CAPRIN2: variants seen among roughly 807,000 people sequenced by gnomAD.
The protein encoded by CAPRIN2 is caprin-2.
A neutral mutation model predicts 130.4 loss-of-function variants in CAPRIN2; 66 were observed. That is an observed-to-expected ratio of 0.51 (90% confidence interval 0.42 to 0.62). The LOEUF (loss-of-function observed/expected upper bound fraction) is 0.62, where lower values mean the gene tolerates loss of function less well. Among genes scored for constraint, CAPRIN2 ranks in the 20% least tolerant of loss-of-function variants. CAPRIN2 has a pLI of 0.00. For synonymous variants in CAPRIN2, 471 were observed against 444.1 expected (o/e 1.06, Z -0.76); for missense variants, 1,185 against 1,246.6 (o/e 0.95, Z 0.74).
Position 30,710,178 on chromosome 12 carries a change from T to A in CAPRIN2, c.2958A>T (p.Arg986Ser). Residue 986 changes from arginine (R) to serine (S), a missense_variant, in exon 17 of 17, where the codon AGA becomes AGT. Physicochemically the swap from Arg to Ser is moderately radical, Grantham distance 110 (BLOSUM62 -1). Transcript: ENST00000298892. The surrounding 1 kb of genome is among the most constrained non-coding windows in gnomAD (Gnocchi z 4.8). Reference sequence around the variant, plus strand: ...AAGTGCCATTCACTGGGCAATTAAATCTACCAAGCTGAAGATCAAAAGTTT... The same window carrying A: ...AAGTGCCATTCACTGGGCAATTAAAACTACCAAGCTGAAGATCAAAAGTTT... 6.2e-7 allele frequency: 1 copy of A among 1,614,144 alleles called. No individual in the cohort carries two copies.
At chr12:30,736,502 A>C (rs930931940) in intron 3 of CAPRIN2, among the ~76,000 whole-genome samples, 1 of 152,202 alleles carries the variant, frequency 6.6e-6, no homozygotes, top group Non-Finnish European at 1.5e-5. Flanking sequence ...AAATCCTAAC[A>C]GATTAAAATT....
chr12:30,725,717 AG>A (rs1359898523), intron 9 of CAPRIN2, among the ~76,000 whole-genome samples: 1 of 152,170 alleles, frequency 6.6e-6, no homozygotes, highest in Non-Finnish European at 1.5e-5. Flanking sequence ...GAGCAAGTTA[AG>A]CTTTTCACAT....
At chr12:30,753,066 C>G (rs186770877) in intron 1 of CAPRIN2, among the ~76,000 whole-genome samples, 1 of 152,330 alleles carries the variant, frequency 6.6e-6, no homozygotes, top group East Asian at 1.9e-4. Context: ...AACATTAATA[C>G]TACATAAGGA....
At chr12:30,729,463 A>G in intron 7 of CAPRIN2, 138 bp from the exon 9 acceptor site, 1 of 575,824 alleles carries the variant, frequency 1.7e-6, no homozygotes, top group Non-Finnish European at 2.8e-6. Flanking sequence ...ATTCTACTTG[A>G]AAAGACTTTC....
At position 30,711,746 on chromosome 12, in the gene CAPRIN2, T is replaced by C. The variant is rs756299951; in HGVS notation, c.2602-117A>G. 3.7e-6 allele frequency: 3 copies of C among 811,398 alleles called. No homozygotes were observed. The Admixed American group carries it at 5.8e-5, about 16-fold the overall frequency. The allele number at this position is 811,398 out of a possible 1,614,324, so 50.3% of individuals were successfully genotyped here. On this transcript the variant is annotated intron_variant, in intron 15 of 16. Coordinates refer to ENST00000298892, the Ensembl canonical transcript of CAPRIN2. The stretch of plus-strand genomic sequence containing the variant: ...GTCCCCTTAGTTCTTTACCTGGCCT[T>C]CCCCAGCAACCAAAGAGGCTCAGAT...
intron 3 of CAPRIN2, among the ~76,000 whole-genome samples, chr12:30,737,056 G>A (rs2065158226): frequency 6.6e-6 from 1 of 152,236 alleles, no homozygotes; most frequent in African/African-American, 2.4e-5. Context: ...CCAGGCTGGG[G>A]TGCAGTGGCA....
exon 1 of CAPRIN2, chr12:30,753,652 A>T: frequency 6.2e-7 from 1 of 1,614,228 alleles, no homozygotes; most frequent in Admixed American, 1.7e-5. Context: ...TTAGGACTAG[A>T]GGGACACAGC....
chr12:30,713,898 C>T lies in CAPRIN2; in HGVS notation c.2501-13G>A. 7.1e-7 allele frequency: 1 copy of T among 1,409,206 alleles called. No individual in the cohort carries two copies. The highest frequency in any genetic ancestry group is 2.3e-5 in the East Asian group (1 of 43,650). The allele number at this position is 1,409,206 out of a possible 1,614,324, so 87.3% of individuals were successfully genotyped here. A position where few individuals can be genotyped will look rare whatever the true frequency, so the allele number is the denominator to read the frequency against. ...TAAGTATCAAAACCTAATAAATAAA[C>T]AAACTTACATAAGATTATGGACAAA... On this transcript the variant is annotated splice_polypyrimidine_tract_variant and intron_variant, in intron 14 of 16. Transcript: ENST00000298892.
At position 30,733,793 on chromosome 12, in the gene CAPRIN2, C is replaced by A. The variant is rs1214489674; in HGVS notation, c.810-82G>T. On this transcript the variant is annotated intron_variant, in intron 4 of 16. Coordinates refer to ENST00000298892, the Ensembl canonical transcript of CAPRIN2. ...GCAGCACAATTTATGCAATATAACC[C>A]ATTAACAGACAAGACATTCAAATGT... is the stretch of plus-strand genomic sequence containing the variant. 6 of 858,488 alleles carry A rather than the reference C, an allele frequency of 7.0e-6. No homozygotes were observed. In the South Asian group the frequency reaches 7.2e-5, roughly 10 times the overall value. The allele number at this position is 858,488 out of a possible 1,614,324, so 53.2% of individuals were successfully genotyped here.
chr12:30,723,376 A>G (rs1167444188), intron 10 of CAPRIN2, 62 bp from the exon 12 acceptor site: 5 of 1,153,902 alleles, frequency 4.3e-6, no homozygotes, highest in Non-Finnish European at 6.5e-6. Context: ...CATATCAACT[A>G]GGAGGAAACT....
chr12:30,742,305 C>T (rs1014493110), intron 2 of CAPRIN2, among the ~76,000 whole-genome samples: 24 of 152,104 alleles, frequency 1.6e-4, no homozygotes, highest in African/African-American at 5.8e-4. Context: ...AATAGGAACT[C>T]CTATGTAATA....
exon 17 of CAPRIN2, chr12:30,709,841 C>T (rs1314167580): frequency 6.6e-7 from 1 of 1,525,918 alleles, no homozygotes; most frequent in Admixed American, 2.0e-5. Context: ...GCAAAGACTA[C>T]TTTTCCTTCA....
chr12:30,715,435 T>A (rs549258957), intron 13 of CAPRIN2: 3 of 492,708 alleles, frequency 6.1e-6, no homozygotes, highest in Non-Finnish European at 1.2e-5. Flanking sequence ...AAATATTGTA[T>A]ACCACTTATA....
At chr12:30,709,667 A>G (rs1221739563) in exon 17 of CAPRIN2, 7 of 466,008 alleles carry the variant, frequency 1.5e-5, no homozygotes, top group Non-Finnish European at 2.7e-5. Context: ...CAAACAATAT[A>G]CATTCACAGC....
intron 1 of CAPRIN2, 89 bp downstream of exon 2, chr12:30,753,255 T>C: frequency 9.2e-7 from 1 of 1,089,906 alleles, no homozygotes; most frequent in Non-Finnish European, 1.3e-6. Flanking sequence ...AAATTTTTAG[T>C]AGAGAACACC....
At chr12:30,713,843 T>G (rs1303868965) in exon 15 of CAPRIN2, 1 of 1,611,198 alleles carries the variant, frequency 6.2e-7, no homozygotes, top group African/African-American at 1.3e-5. Flanking sequence ...CTGGCTATAA[T>G]TTCCATTGGA....
At chr12:30,735,232 G>C (rs2064192749) in intron 3 of CAPRIN2, 26 bp from the exon 5 acceptor site, 2 of 1,554,498 alleles carry the variant, frequency 1.3e-6, no homozygotes, top group African/African-American at 1.4e-5. Context: ...GCTAATTAAG[G>C]GTAACAATTC....
At chr12:30,716,109 T>G (rs935647426) in intron 13 of CAPRIN2, 1 of 187,456 alleles carries the variant, frequency 5.3e-6, no homozygotes, top group Admixed American at 6.2e-5. Flanking sequence ...TACTAAGTCA[T>G]ATCTTCAATC....
intron 8 of CAPRIN2, chr12:30,728,256 G>C (rs192102318): frequency 7.7e-4 from 126 of 162,848 alleles, no homozygotes; most frequent in African/African-American, 2.9e-3. Context: ...CTTCACATGG[G>C]CTTTGAAGAG....
Sources: gnomAD v4.1 joint callset for allele counts (sites outside exome capture counted in the v4.1 genomes callset) on GRCh38, gnomAD v4.1.1 for gene constraint, Gnocchi (gnomAD v3.1) non-coding constraint, MANE v1.5 for transcripts, NCBI Gene and HGNC (gene_info 2026-07-23, HGNC 2026-07-21) for gene names.